Variants in NBEA observed in about 807,000 individuals in gnomAD.
The protein encoded by NBEA is lysosomal-trafficking regulator 2.
NBEA carries 44 observed loss-of-function variants against 343.4 expected under a neutral mutation model. The observed-to-expected ratio is 0.13, with a 90% CI of 0.10 to 0.16. The LOEUF is 0.16. NBEA is among the 10% of genes least tolerant of loss of function. The pLI is 1.00. For missense variants in NBEA, 2,555 were observed against 3,631.3 expected (o/e 0.70, Z 7.62); for synonymous variants, 1,175 against 1,238.7 (o/e 0.95, Z 1.08).
intron 34 of NBEA, among the ~76,000 whole-genome samples, chr13:35,239,731 GT>G (rs1247987913): frequency 6.6e-6 from 1 of 151,908 alleles, no homozygotes; most frequent in South Asian, 2.1e-4. Flanking sequence ...CCTGTCTGTT[GT>G]TTTGCCTGGA....
chr13:35,035,599 A>C (rs965767684), intron 1 of NBEA, among the ~76,000 whole-genome samples: 2 of 152,006 alleles, frequency 1.3e-5, no homozygotes, highest in Non-Finnish European at 2.9e-5. Flanking sequence ...TCCAGTGCTG[A>C]AAGTGAGGTT....
intron 1 of NBEA, among the ~76,000 whole-genome samples, chr13:35,009,971 G>C (rs906195942): frequency 6.6e-6 from 1 of 152,184 alleles, no homozygotes; most frequent in African/African-American, 2.4e-5. Flanking sequence ...GTGCCATTGA[G>C]TGAAACTAGA....
At chr13:35,389,017 CTT>C (rs796374405) in intron 38 of NBEA, among the ~76,000 whole-genome samples, 3 of 137,368 alleles carry the variant, frequency 2.2e-5, no homozygotes, top group African/African-American at 5.3e-5. Context: ...TGGCGGGTTT[CTT>C]TTTTTTTTTT....
intron 13 of NBEA, among the ~76,000 whole-genome samples, chr13:35,111,404 T>C (rs184921682): frequency 1.3e-5 from 2 of 151,946 alleles, no homozygotes; most frequent in East Asian, 3.9e-4. Flanking sequence ...ATTTTTTTTT[T>C]GAAAATATAG....
intron 36 of NBEA, among the ~76,000 whole-genome samples, chr13:35,328,493 G>A (rs995264099): frequency 6.6e-6 from 1 of 151,864 alleles, no homozygotes; most frequent in Non-Finnish European, 1.5e-5. Flanking sequence ...AATAACTAAA[G>A]GAGTATAATT....
intron 41 of NBEA, among the ~76,000 whole-genome samples, chr13:35,512,334 T>C (rs1029832430): frequency 3.3e-5 from 5 of 152,220 alleles, no homozygotes; most frequent in African/African-American, 1.2e-4. Flanking sequence ...GCAGAAACTG[T>C]CAACCTGGAC....
intron 1 of NBEA, among the ~76,000 whole-genome samples, chr13:35,004,828 A>G (rs970446938): frequency 3.3e-5 from 5 of 152,226 alleles, no homozygotes; most frequent in African/African-American, 1.2e-4. Context: ...GAATTTAAGC[A>G]TCGAAAAGGA....
chr13:35,225,543 T>C (rs573420922), intron 33 of NBEA, among the ~76,000 whole-genome samples: 2 of 152,168 alleles, frequency 1.3e-5, no homozygotes, highest in Non-Finnish European at 2.9e-5. Flanking sequence ...TCTTCCATGC[T>C]GCCTCCAATT....
intron 41 of NBEA, among the ~76,000 whole-genome samples, chr13:35,490,894 G>A (rs1431834819): frequency 1.3e-5 from 2 of 151,826 alleles, no homozygotes; most frequent in Admixed American, 1.3e-4. Context: ...ATGCCATCTG[G>A]CCCCAGGCTC....
rs117519221 is a variant in NBEA at position 35,219,829 on chromosome 13, C to T, written c.5648+8650C>T. On this transcript the variant is annotated intron_variant, in intron 33 of 58. Coordinates refer to ENST00000379939, the MANE Select transcript of NBEA (RefSeq NM_001385012.1). ...AACATTCAGGCAGAAGGAGTTTGCT[C>T]AACTTTTTTGTTCTATTCATATCTT... Among the ~76,000 whole-genome samples, 1,357 of 152,204 alleles carry T rather than the reference C, an allele frequency of 8.9e-3. 9 individuals carry two copies. Among genetic ancestry groups the T allele is most frequent in the South Asian group, 0.022 (108 of 4,824 alleles).
intron 30 of NBEA, among the ~76,000 whole-genome samples, chr13:35,184,749 GAA>G (rs1343883067): frequency 2.6e-5 from 4 of 151,908 alleles, no homozygotes; most frequent in Non-Finnish European, 5.9e-5. Flanking sequence ...AAGATATAAA[GAA>G]AAAAATGACA....
At chr13:35,143,527 A>G (rs2068212925) in intron 18 of NBEA, among the ~76,000 whole-genome samples, 1 of 152,202 alleles carries the variant, frequency 6.6e-6, no homozygotes, top group South Asian at 2.1e-4. Context: ...CTGTTATACA[A>G]GGGCATTATA....
chr13:35,610,592 A>G (rs532276912), intron 48 of NBEA, among the ~76,000 whole-genome samples: 2 of 152,336 alleles, frequency 1.3e-5, no homozygotes, highest in Non-Finnish European at 2.9e-5. Flanking sequence ...ACCTGAAACT[A>G]TCAAACATCT....
intron 36 of NBEA, among the ~76,000 whole-genome samples, chr13:35,314,737 G>A (rs888371266): frequency 6.6e-6 from 1 of 152,094 alleles, no homozygotes; most frequent in Non-Finnish European, 1.5e-5. Flanking sequence ...TTCCCTGAAA[G>A]TTCAAAATAA....
chr13:35,518,449 T>C (rs2077568834), intron 41 of NBEA, among the ~76,000 whole-genome samples: 1 of 152,092 alleles, frequency 6.6e-6, no homozygotes, highest in African/African-American at 2.4e-5. Context: ...TTAAAGATGG[T>C]TTAAAGCCAA....
intron 13 of NBEA, among the ~76,000 whole-genome samples, chr13:35,114,684 A>G (rs1054242058): frequency 6.6e-6 from 1 of 152,154 alleles, no homozygotes; most frequent in Non-Finnish European, 1.5e-5. Context: ...TAGCTACATC[A>G]AAGAGAAGGA....
chr13:35,630,746 CCCTTCCCCCAG>C (rs1449964787), intron 49 of NBEA, among the ~76,000 whole-genome samples: 1 of 152,278 alleles, frequency 6.6e-6, no homozygotes, highest in Admixed American at 6.5e-5. Flanking sequence ...ACTCTTACTT[CCCTTCCCCCAG>C]CCCCCAGAGG....
chr13:35,015,159 A>G (rs1192963507), intron 1 of NBEA, among the ~76,000 whole-genome samples: 2 of 138,984 alleles, frequency 1.4e-5, no homozygotes, highest in African/African-American at 5.4e-5. Flanking sequence ...AAAAAAAACC[A>G]CACACAAAGC....
intron 38 of NBEA, among the ~76,000 whole-genome samples, chr13:35,408,112 A>G (rs1352997408): frequency 6.6e-6 from 1 of 152,190 alleles, no homozygotes; most frequent in Non-Finnish European, 1.5e-5. Context: ...TTCAAAATAT[A>G]CTACAGGGCT....
Sources: allele counts gnomAD v4.1 joint callset (sites outside exome capture counted in the v4.1 genomes callset), GRCh38; gene constraint gnomAD v4.1.1; transcripts MANE v1.5; gene names NCBI Gene and HGNC (gene_info 2026-07-23, HGNC 2026-07-21).